Variants in TMCC1 observed in about 807,000 individuals in gnomAD.
The protein encoded by TMCC1 is transmembrane and coiled-coil domain family 1.
TMCC1 carries 15 observed loss-of-function variants against 52.4 expected under a neutral mutation model. The observed-to-expected ratio is 0.29, with a 90% CI of 0.19 to 0.44. The LOEUF (loss-of-function observed/expected upper bound fraction) is 0.44, where lower values mean the gene tolerates loss of function less well. Among genes scored for constraint, TMCC1 ranks in the 20% least tolerant of loss-of-function variants. The pLI is 1.00. For synonymous variants in TMCC1, 279 were observed against 301.9 expected (o/e 0.92, Z 0.79); for missense variants, 503 against 806.0 (o/e 0.62, Z 4.55).
chr3:129,705,809 G>T (rs1361870937), intron 4 of TMCC1, among the ~76,000 whole-genome samples: 3 of 151,764 alleles, frequency 2.0e-5, no homozygotes, highest in Non-Finnish European at 4.4e-5. Context: ...AGCCAGGATG[G>T]TCTCGATCTC....
At chr3:129,802,480 C>G (rs2057249624) in intron 4 of TMCC1, among the ~76,000 whole-genome samples, 2 of 152,196 alleles carry the variant, frequency 1.3e-5, no homozygotes, top group Middle Eastern at 3.4e-3. Context: ...CTACAGAGAC[C>G]ACTGTAGTCC....
At chr3:129,793,526 A>G (rs904561804) in intron 4 of TMCC1, among the ~76,000 whole-genome samples, 2 of 152,200 alleles carry the variant, frequency 1.3e-5, no homozygotes, top group Non-Finnish European at 2.9e-5. Context: ...ACATTTTTTA[A>G]ATGGAGCTTT....
At chr3:129,836,250 A>G (rs1035508887) in intron 2 of TMCC1, among the ~76,000 whole-genome samples, 1 of 152,226 alleles carries the variant, frequency 6.6e-6, no homozygotes, top group African/African-American at 2.4e-5. Flanking sequence ...GAAAAAATCC[A>G]TAATCATAAT....
Position 129,649,021 on chromosome 3 carries a change from T to C in TMCC1, c.*2460A>G, listed in dbSNP as rs2108830792. The C allele has an allele frequency of 6.6e-6, 1 of 152,332 alleles. No individual in the cohort carries two copies. The highest frequency in any genetic ancestry group is 1.9e-4 in the East Asian group (1 of 5,186). The allele number at this position is 152,332 out of a possible 1,614,324, so 9.4% of individuals were successfully genotyped here. On this transcript the variant is annotated 3_prime_UTR_variant, in exon 7 of 7. Coordinates refer to ENST00000393238, the MANE Select transcript of TMCC1 (RefSeq NM_001017395.5). ...AAGATAGAAAGTCAGCATGGGACTA[T>C]TTGGCTGGAGGCAGGGGGCTTTCTA... is the stretch of plus-strand genomic sequence containing the variant.
intron 1 of TMCC1, among the ~76,000 whole-genome samples, chr3:129,880,855 ATT>A (rs930055454): frequency 6.8e-6 from 1 of 147,828 alleles, no homozygotes; most frequent in Non-Finnish European, 1.5e-5. Context: ...CAGGCTGCAA[ATT>A]TTTTTTCTTT....
chr3:129,871,833 C>A (rs1005327260), intron 2 of TMCC1, among the ~76,000 whole-genome samples: 8 of 152,278 alleles, frequency 5.3e-5, no homozygotes, highest in Middle Eastern at 3.4e-3. Context: ...AAAAAAGATA[C>A]ATGATTTTCA....
At chr3:129,768,647 G>A (rs553736514) in intron 4 of TMCC1, among the ~76,000 whole-genome samples, 6 of 152,240 alleles carry the variant, frequency 3.9e-5, no homozygotes, top group Admixed American at 2.6e-4. Flanking sequence ...AGTCCCGAAT[G>A]AAATACATCC....
At chr3:129,761,461 T>G (rs1299457791) in intron 4 of TMCC1, among the ~76,000 whole-genome samples, 1 of 151,848 alleles carries the variant, frequency 6.6e-6, no homozygotes, top group East Asian at 1.9e-4. Flanking sequence ...CAGGCTGGAG[T>G]GCACTGATGC....
intron 4 of TMCC1, among the ~76,000 whole-genome samples, chr3:129,776,964 G>T (rs1310025381): frequency 6.6e-6 from 1 of 152,084 alleles, no homozygotes; most frequent in African/African-American, 2.4e-5. Flanking sequence ...AGGCAGCTTG[G>T]CATTAAGGAA....
intron 4 of TMCC1, among the ~76,000 whole-genome samples, chr3:129,805,549 A>G (rs550134900): frequency 6.6e-6 from 1 of 152,340 alleles, no homozygotes; most frequent in East Asian, 1.9e-4. Flanking sequence ...TGTCTAGCAC[A>G]TACACAGTCT....
rs545957104 is a variant in TMCC1, at chr3:129,770,602, T to TAAATGAAATG, written c.576+57191_576+57200dup. On this transcript the variant is annotated intron_variant, in intron 4 of 6. Coordinates refer to ENST00000393238, the MANE Select transcript of TMCC1 (RefSeq NM_001017395.5). ...TAAGATAAAATAAAATAAAATAAAA[T>TAAATGAAATG]AAATGAAATGAAATGAAATGAAATG... Among the ~76,000 whole-genome samples, 14 of 132,814 alleles carry TAAATGAAATG rather than the reference T, an allele frequency of 1.1e-4. No homozygotes were observed. In the East Asian group the frequency reaches 1.9e-3, roughly 18 times the overall value. The allele number at this position is 132,814 out of a possible 152,430, so 87.1% of individuals were successfully genotyped here.
At chr3:129,733,275 T>C (rs1018586360) in intron 4 of TMCC1, among the ~76,000 whole-genome samples, 1 of 152,222 alleles carries the variant, frequency 6.6e-6, no homozygotes, top group African/African-American at 2.4e-5. Context: ...CATTCAAGTG[T>C]GGTGTACATG....
chr3:129,892,911 C>G (rs1374401348), intron 1 of TMCC1, among the ~76,000 whole-genome samples: 2 of 152,166 alleles, frequency 1.3e-5, no homozygotes, highest in African/African-American at 4.8e-5. Flanking sequence ...ATCCTGAGGC[C>G]GAGACCAAGC....
intron 4 of TMCC1, among the ~76,000 whole-genome samples, chr3:129,719,663 G>A (rs1330122384): frequency 6.6e-6 from 1 of 152,182 alleles, no homozygotes; most frequent in Non-Finnish European, 1.5e-5. Context: ...CTGCAGAATT[G>A]CTTGCTGGTG....
At chr3:129,716,642 C>T (rs1445945619) in intron 4 of TMCC1, among the ~76,000 whole-genome samples, 2 of 151,936 alleles carry the variant, frequency 1.3e-5, no homozygotes, top group African/African-American at 2.4e-5. Flanking sequence ...AGCCACTGTG[C>T]CTGGCCTCAG....
intron 4 of TMCC1, among the ~76,000 whole-genome samples, chr3:129,811,120 C>A (rs141277284): frequency 6.1e-4 from 93 of 152,166 alleles, no homozygotes; most frequent in African/African-American, 2.2e-3. Flanking sequence ...AATTCTAAAG[C>A]GTATTCCTCA....
At chr3:129,817,411 T>C (rs1349828783) in intron 4 of TMCC1, among the ~76,000 whole-genome samples, 4 of 152,118 alleles carry the variant, frequency 2.6e-5, no homozygotes, top group African/African-American at 9.7e-5. Context: ...ATCAAACTAC[T>C]GCACTCCAGC....
At position 129,842,850 on chromosome 3, in the gene TMCC1, C is replaced by T. The variant is rs188482834; in HGVS notation, c.-183-10024G>A. 3.7e-3 allele frequency among the ~76,000 whole-genome samples: 569 copies of T among 152,082 alleles called. 5 individuals are homozygous for T. Among genetic ancestry groups the T allele is most frequent in the African/African-American group, 0.013 (524 of 41,482 alleles). ...ATTTTAAAAATATTTGCAAGTATAG[C>T]AGGAAACAGAAGGGAAGTTTATCTA... is the stretch of plus-strand genomic sequence containing the variant. On this transcript the variant is annotated intron_variant, in intron 2 of 6. Coordinates refer to ENST00000393238, the MANE Select transcript of TMCC1 (RefSeq NM_001017395.5).
At chr3:129,755,926 T>C (rs1489034635) in intron 4 of TMCC1, among the ~76,000 whole-genome samples, 5 of 152,032 alleles carry the variant, frequency 3.3e-5, no homozygotes, top group Admixed American at 3.3e-4. Context: ...GGTGAAACCC[T>C]GTCTCTCCTA....
Sources: gnomAD v4.1 joint callset for allele counts (sites outside exome capture counted in the v4.1 genomes callset) on GRCh38, gnomAD v4.1.1 for gene constraint, MANE v1.5 for transcripts, NCBI Gene and HGNC (gene_info 2026-07-23, HGNC 2026-07-21) for gene names.